CLDN10: variants seen among roughly 807,000 people sequenced by gnomAD.
CLDN10 encodes the protein claudin-10.
A neutral mutation model predicts 22.9 loss-of-function variants in CLDN10; 15 were observed. The ratio of observed to expected loss-of-function variants is 0.65; its 90% CI spans 0.44 to 1.01. The LOEUF is 1.01. Ranked by LOEUF, CLDN10 falls within the 50% of genes least tolerant of loss-of-function variation. CLDN10 has a pLI of 0.00. For missense variants in CLDN10, 247 were observed against 287.8 expected, an observed-to-expected ratio of 0.86 and a Z score of 1.03; for synonymous variants, 114 against 111.4, an observed-to-expected ratio of 1.02 and a Z score of -0.15.
intron 1 of CLDN10, among the ~76,000 whole-genome samples, chr13:95,534,466 T>G (rs917275099): frequency 6.6e-6 from 1 of 152,198 alleles, no homozygotes; most frequent in Non-Finnish European, 1.5e-5. Context: ...GTCAAATGTA[T>G]GAATATCTTT....
intron 1 of CLDN10, among the ~76,000 whole-genome samples, chr13:95,517,057 C>A (rs1394058725): frequency 6.7e-6 from 1 of 150,068 alleles, no homozygotes; most frequent in African/African-American, 2.5e-5. Flanking sequence ...TTTCTCTCTC[C>A]CTTTTTCATT....
intron 1 of CLDN10, among the ~76,000 whole-genome samples, chr13:95,436,430 C>T (rs574259297): frequency 6.6e-6 from 1 of 152,148 alleles, no homozygotes; most frequent in Non-Finnish European, 1.5e-5. Context: ...AGCAATCCTA[C>T]TGCCTTGGCC....
intron 1 of CLDN10, among the ~76,000 whole-genome samples, chr13:95,557,570 T>A (rs1355185336): frequency 2.0e-5 from 3 of 152,218 alleles, no homozygotes; most frequent in Admixed American, 6.5e-5. Context: ...TAAATTGCCT[T>A]CTTTGTGCAT....
intron 1 of CLDN10, among the ~76,000 whole-genome samples, chr13:95,518,628 G>C (rs1964147): frequency 6.6e-6 from 1 of 151,976 alleles, no homozygotes; most frequent in African/African-American, 2.4e-5. Context: ...TGGTGGTGGC[G>C]CATGCCTGTA....
chr13:95,538,949 G>A (rs1268432970), intron 1 of CLDN10, among the ~76,000 whole-genome samples: 3 of 152,012 alleles, frequency 2.0e-5, no homozygotes, highest in African/African-American at 4.8e-5. Flanking sequence ...GCACAATCTC[G>A]GCTCACTGCA....
intron 1 of CLDN10, among the ~76,000 whole-genome samples, chr13:95,553,971 G>T (rs1333462750): frequency 6.6e-6 from 1 of 152,202 alleles, no homozygotes; most frequent in African/African-American, 2.4e-5. Context: ...TTCTAGATTT[G>T]AGGTGTTTTT....
chr13:95,520,191 A>C (rs2043210555), intron 1 of CLDN10, among the ~76,000 whole-genome samples: 1 of 152,208 alleles, frequency 6.6e-6, no homozygotes. Context: ...CTAGGTTATT[A>C]ATAAAGGCTC....
chr13:95,545,212 A>G (rs1235611507), intron 1 of CLDN10, among the ~76,000 whole-genome samples: 1 of 152,132 alleles, frequency 6.6e-6, no homozygotes, highest in East Asian at 1.9e-4. Context: ...TTGATATACT[A>G]CTTCAGCATA....
intron 1 of CLDN10, among the ~76,000 whole-genome samples, chr13:95,478,956 G>C (rs375449705): frequency 1.3e-5 from 2 of 152,244 alleles, no homozygotes; most frequent in Non-Finnish European, 2.9e-5. Context: ...CTTCCTGTGC[G>C]TAAGGTTTAA....
intron 1 of CLDN10, among the ~76,000 whole-genome samples, chr13:95,557,313 T>C (rs1412724946): frequency 2.0e-5 from 3 of 152,202 alleles, no homozygotes; most frequent in African/African-American, 7.2e-5. Context: ...TTGTAAGTTT[T>C]GCCCTCAGGA....
chr13:95,475,523 A>T (rs2139107664), intron 1 of CLDN10, among the ~76,000 whole-genome samples: 1 of 152,324 alleles, frequency 6.6e-6, no homozygotes, highest in East Asian at 1.9e-4. Flanking sequence ...AGCACTGGCC[A>T]CCAGTGGGCT....
At chr13:95,477,561 T>A (rs2042697019) in intron 1 of CLDN10, among the ~76,000 whole-genome samples, 1 of 152,190 alleles carries the variant, frequency 6.6e-6, no homozygotes, top group South Asian at 2.1e-4. Flanking sequence ...GCGGGGCAGA[T>A]GTTAAAGCAT....
In CLDN10 at chr13:95,552,863, G is replaced by A. The variant is rs1371711623; in HGVS notation, c.110G>A (p.Gly37Asp). The change falls in exon 1 of 5, where the codon GGC becomes GAC. Residue 37 changes from glycine to aspartate, a missense_variant. Coordinates refer to ENST00000299339, the MANE Select transcript of CLDN10 (RefSeq NM_006984.5). ...TDYWKVSTIDGTVITTATYWA... is the reference protein window; with the variant it reads ...TDYWKVSTIDDTVITTATYWA... ...TACTGGAAGGTGTCTACCATCGACG[G>A]CACGGTCATCACAACCGCCACCTAT... The A allele has an allele frequency of 6.2e-7, 1 of 1,614,140 alleles. No homozygotes were observed. The highest frequency in any genetic ancestry group is 1.1e-5 in the South Asian group (1 of 91,086).
chr13:95,444,615 T>C (rs1356616648), intron 1 of CLDN10, among the ~76,000 whole-genome samples: 3 of 152,230 alleles, frequency 2.0e-5, no homozygotes, highest in Non-Finnish European at 4.4e-5. Flanking sequence ...TCTTGAAAGA[T>C]GGGCGAAGTT....
intron 1 of CLDN10, among the ~76,000 whole-genome samples, chr13:95,500,161 A>G (rs1360128987): frequency 6.6e-6 from 1 of 151,500 alleles, no homozygotes; most frequent in Non-Finnish European, 1.5e-5. Context: ...TCCTCGAATA[A>G]AGCCCAAAGG....
chr13:95,533,994 A>C (rs2043373985), intron 1 of CLDN10: 1 of 152,208 alleles, frequency 6.6e-6, no homozygotes, highest in Admixed American at 6.5e-5. Context: ...TCCCTGACCC[A>C]GAGCAGAGAT....
At chr13:95,481,222 G>A (rs551966976) in intron 1 of CLDN10, among the ~76,000 whole-genome samples, 2 of 152,300 alleles carry the variant, frequency 1.3e-5, no homozygotes, top group African/African-American at 2.4e-5. Flanking sequence ...TGACCTTGCA[G>A]ACTCATAATT....
chr13:95,554,500 T>C (rs1042563067), intron 1 of CLDN10, among the ~76,000 whole-genome samples: 1 of 152,122 alleles, frequency 6.6e-6, no homozygotes, highest in African/African-American at 2.4e-5. Context: ...CCATACCTGT[T>C]TGGGGGCAGA....
intron 1 of CLDN10, among the ~76,000 whole-genome samples, chr13:95,545,010 T>C (rs973674204): frequency 1.3e-5 from 2 of 151,834 alleles, no homozygotes; most frequent in African/African-American, 4.8e-5. Context: ...ACTCCTGACC[T>C]CAGGTGATCC....
Sources: gnomAD v4.1 joint callset for allele counts (sites outside exome capture counted in the v4.1 genomes callset) on GRCh38, gnomAD v4.1.1 for gene constraint, MANE v1.5 for transcripts, NCBI Gene and HGNC (gene_info 2026-07-23, HGNC 2026-07-21) for gene names.